SUCLG2: variants seen among roughly 807,000 people sequenced by gnomAD.
The protein encoded by SUCLG2 is succinate-CoA ligase GDP-forming subunit beta, also known as succinate--CoA ligase [GDP-forming] subunit beta, mitochondrial.
In SUCLG2, 42 loss-of-function variants were observed where a neutral mutation model predicts 47.9. That is an observed-to-expected ratio of 0.88 (90% CI 0.69 to 1.14). SUCLG2 has a LOEUF of 1.14. SUCLG2 is among the 50% of genes most tolerant of loss of function. The pLI is 0.00. For synonymous variants in SUCLG2, 195 were observed against 197.3 expected (o/e 0.99, Z 0.10); for missense variants, 571 against 525.9 (o/e 1.09, Z -0.84).
At chr3:67,361,923 G>C (rs1209666440) in intron 10 of SUCLG2, among the ~76,000 whole-genome samples, 1 of 152,110 alleles carries the variant, frequency 6.6e-6, no homozygotes, top group Non-Finnish European at 1.5e-5. Context: ...TGAAGGATGA[G>C]ACATACAGAA....
chr3:67,404,247 G>T (rs567303861), intron 9 of SUCLG2, among the ~76,000 whole-genome samples: 2 of 152,188 alleles, frequency 1.3e-5, no homozygotes, highest in East Asian at 3.9e-4. Context: ...ACGCCGAAGA[G>T]AAGTTATAGG....
intron 2 of SUCLG2, among the ~76,000 whole-genome samples, chr3:67,580,407 T>C (rs1198124247): frequency 1.3e-5 from 2 of 152,224 alleles, no homozygotes; most frequent in Non-Finnish European, 2.9e-5. Context: ...CTTCTTCATA[T>C]TTTATTTTTT....
Position 67,621,654 on chromosome 3 carries a change from C to T in SUCLG2, c.85-12058G>A, listed in dbSNP as rs533953621. On this transcript the variant is annotated intron_variant, in intron 1 of 10. Coordinates refer to ENST00000307227, the MANE Select transcript of SUCLG2 (RefSeq NM_003848.4). ...TAATGGATTATCATGGGAGTGAAAT[C>T]GGTGGCTTTCTAAGAAAAAGAAGAG... Among the ~76,000 whole-genome samples, 12 of 152,098 alleles carry T rather than the reference C, an allele frequency of 7.9e-5. No homozygotes were observed. The South Asian group carries it at 2.3e-3, about 29-fold the overall frequency.
intron 10 of SUCLG2, among the ~76,000 whole-genome samples, chr3:67,361,464 T>A (rs935593807): frequency 6.6e-6 from 1 of 152,178 alleles, no homozygotes; most frequent in Non-Finnish European, 1.5e-5. Flanking sequence ...GGAATACAAC[T>A]GCAGCCTGTA....
chr3:67,463,895 CAG>C (rs1704400896), intron 9 of SUCLG2, among the ~76,000 whole-genome samples: 1 of 152,178 alleles, frequency 6.6e-6, no homozygotes, highest in Admixed American at 6.5e-5. Flanking sequence ...AACCAACTGA[CAG>C]AGGGAGAAAT....
At chr3:67,584,535 T>C (rs1008023208) in intron 2 of SUCLG2, among the ~76,000 whole-genome samples, 3 of 152,316 alleles carry the variant, frequency 2.0e-5, no homozygotes, top group South Asian at 4.1e-4. Context: ...TACCATGTTT[T>C]TGAGGTTCAT....
At chr3:67,588,659 T>C (rs1170722624) in intron 2 of SUCLG2, among the ~76,000 whole-genome samples, 1 of 152,204 alleles carries the variant, frequency 6.6e-6, no homozygotes, top group African/African-American at 2.4e-5. Flanking sequence ...CAGAGCTCTC[T>C]TGGTTCTACA....
At chr3:67,488,551 A>G (rs1705123308) in intron 9 of SUCLG2, among the ~76,000 whole-genome samples, 1 of 152,222 alleles carries the variant, frequency 6.6e-6, no homozygotes, top group South Asian at 2.1e-4. Context: ...TGCCTTTACC[A>G]GGCTTTATCT....
chr3:67,494,348 G>C (rs931427981), intron 9 of SUCLG2, among the ~76,000 whole-genome samples: 4 of 152,146 alleles, frequency 2.6e-5, no homozygotes, highest in African/African-American at 9.7e-5. Flanking sequence ...TCAAATAAAA[G>C]TTTAGGCCAA....
chr3:67,453,281 A>G (rs1428141693), intron 9 of SUCLG2, among the ~76,000 whole-genome samples: 18 of 152,040 alleles, frequency 1.2e-4, no homozygotes, highest in Admixed American at 1.2e-3. Flanking sequence ...ACAAAACACC[A>G]TTAACTGGAT....
At chr3:67,415,284 C>G (rs949521526) in intron 9 of SUCLG2, among the ~76,000 whole-genome samples, 1 of 152,140 alleles carries the variant, frequency 6.6e-6, no homozygotes, top group Non-Finnish European at 1.5e-5. Context: ...GAGAAGGACA[C>G]AAGGATTTCT....
At chr3:67,654,443 G>A (rs766209039) in intron 1 of SUCLG2, 60 bp downstream of exon 1, 51 of 1,201,716 alleles carry the variant, frequency 4.2e-5, no homozygotes, top group Non-Finnish European at 5.0e-5. Context: ...CAGGGGGCGA[G>A]GGAAGCCCGG....
chr3:67,390,382 G>C (rs1702354414), intron 10 of SUCLG2, among the ~76,000 whole-genome samples: 1 of 152,192 alleles, frequency 6.6e-6, no homozygotes, highest in African/African-American at 2.4e-5. Context: ...GTGGGATTTT[G>C]TGGACAAATC....
chr3:67,569,133 C>T (rs1204733517), intron 2 of SUCLG2, among the ~76,000 whole-genome samples: 1 of 152,176 alleles, frequency 6.6e-6, no homozygotes, highest in African/African-American at 2.4e-5. Context: ...CATTAATTCT[C>T]TCATTTCATG....
chr3:67,360,945 T>TC (rs1701795239), intron 10 of SUCLG2, among the ~76,000 whole-genome samples: 1 of 152,184 alleles, frequency 6.6e-6, no homozygotes, highest in Non-Finnish European at 1.5e-5. Context: ...TTTCCCTGTC[T>TC]CTCTCTCGTT....
intron 9 of SUCLG2, among the ~76,000 whole-genome samples, chr3:67,461,618 A>G (rs1024030991): frequency 4.6e-5 from 7 of 151,916 alleles, no homozygotes; most frequent in Admixed American, 2.6e-4. Context: ...AACTAGTGTC[A>G]TTTTAGGCTG....
At chr3:67,601,192 CAAT>C (rs1708410327) in intron 2 of SUCLG2, among the ~76,000 whole-genome samples, 1 of 152,148 alleles carries the variant, frequency 6.6e-6, no homozygotes, top group Non-Finnish European at 1.5e-5. Context: ...CATTCTCTCT[CAAT>C]GATGTCATAT....
Position 67,389,550 on chromosome 3 carries a change from C to A in SUCLG2, c.1183+11181G>T, listed in dbSNP as rs1702334310. Among the ~76,000 whole-genome samples the A allele has an allele frequency of 2.0e-5, 3 of 152,298 alleles. No individual in the cohort carries two copies. The South Asian group carries it at 6.2e-4, about 32-fold the overall frequency. ...CTTCCAGTGGAGAAAAAGTTGCCAA[C>A]TACAGGGACCTTTGCGAAATGTCTT... On this transcript the variant is annotated intron_variant, in intron 10 of 10. Transcript: ENST00000307227.
intron 2 of SUCLG2, among the ~76,000 whole-genome samples, chr3:67,560,879 G>T (rs148243444): frequency 6.6e-6 from 1 of 151,532 alleles, no homozygotes; most frequent in Non-Finnish European, 1.5e-5. Flanking sequence ...TGCCTTAGGT[G>T]TCAGTGATCA....
Sources: allele counts gnomAD v4.1 joint callset (sites outside exome capture counted in the v4.1 genomes callset), GRCh38; gene constraint gnomAD v4.1.1; transcripts MANE v1.5; gene names NCBI Gene and HGNC (gene_info 2026-07-23, HGNC 2026-07-21).